ZEB1: variants seen among roughly 807,000 people sequenced by gnomAD.
ZEB1 encodes the protein zinc finger E-box binding homeobox 1.
In ZEB1, 21 loss-of-function variants were observed where a neutral mutation model predicts 84.9. The ratio of observed to expected loss-of-function variants is 0.25; its 90% CI spans 0.18 to 0.36. The LOEUF is 0.36. Among genes scored for constraint, ZEB1 ranks in the 10% least tolerant of loss-of-function variants. The pLI is 1.00. For synonymous variants in ZEB1, 420 were observed against 471.1 expected, an observed-to-expected ratio of 0.89 and a Z score of 1.41; for missense variants, 1,104 against 1,330.2, an observed-to-expected ratio of 0.83 and a Z score of 2.65.
chr10:31,348,997 A>G (rs1016525685), intron 1 of ZEB1, among the ~76,000 whole-genome samples: 1 of 152,176 alleles, frequency 6.6e-6, no homozygotes, highest in Non-Finnish European at 1.5e-5. Flanking sequence ...CTGTAGGCCT[A>G]TGATTTACCA....
intron 2 of ZEB1, among the ~76,000 whole-genome samples, chr10:31,491,731 C>G (rs1169693848): frequency 2.6e-5 from 4 of 151,860 alleles, no homozygotes; most frequent in Admixed American, 2.6e-4. Flanking sequence ...CAGACATAAA[C>G]AGTTTGTGGA....
intron 1 of ZEB1, among the ~76,000 whole-genome samples, chr10:31,394,760 C>A (rs139547565): frequency 2.3e-4 from 35 of 152,304 alleles, no homozygotes; most frequent in African/African-American, 8.4e-4. Flanking sequence ...TACAGATTTG[C>A]ATTTTTCTGA....
At chr10:31,378,342 C>T (rs1033571864) in intron 1 of ZEB1, among the ~76,000 whole-genome samples, 1 of 151,256 alleles carries the variant, frequency 6.6e-6, no homozygotes, top group East Asian at 1.9e-4. Flanking sequence ...AAGTTAGTTG[C>T]TGTGCTTATT....
intron 1 of ZEB1, among the ~76,000 whole-genome samples, chr10:31,354,680 T>C (rs949865560): frequency 2.0e-5 from 3 of 152,182 alleles, no homozygotes; most frequent in Non-Finnish European, 4.4e-5. Context: ...TTAAATAACT[T>C]CTCTTGAAAG....
intron 1 of ZEB1, among the ~76,000 whole-genome samples, chr10:31,354,277 C>T (rs1049678945): frequency 1.3e-5 from 2 of 152,044 alleles, no homozygotes; most frequent in African/African-American, 2.4e-5. Flanking sequence ...ATATAAAGCA[C>T]TTTTTTTGTA....
At chr10:31,428,834 T>TA (rs1250823468) in intron 1 of ZEB1, among the ~76,000 whole-genome samples, 1 of 152,048 alleles carries the variant, frequency 6.6e-6, no homozygotes, top group African/African-American at 2.4e-5. Context: ...TTTAAAATCT[T>TA]TGTTTGGTTT....
intron 1 of ZEB1, among the ~76,000 whole-genome samples, chr10:31,357,690 G>C (rs1399089210): frequency 6.6e-6 from 1 of 152,004 alleles, no homozygotes. Context: ...ATAGAACTTG[G>C]CAATTGTTAG....
At chr10:31,319,414 G>A (rs1038053400) in intron 1 of ZEB1, 122 bp downstream of exon 1, 14 of 986,826 alleles carry the variant, frequency 1.4e-5, no homozygotes, top group African/African-American at 1.6e-5. Flanking sequence ...GCAAAGTGGA[G>A]TGGGAAAGTA....
chr10:31,395,763 T>C (rs561873824), intron 1 of ZEB1, among the ~76,000 whole-genome samples: 1 of 152,334 alleles, frequency 6.6e-6, no homozygotes, highest in East Asian at 1.9e-4. Flanking sequence ...GGACTAGTTA[T>C]ACTTGTGGAA....
At chr10:31,498,378 T>A (rs1213200970) in intron 3 of ZEB1, among the ~76,000 whole-genome samples, 1 of 152,062 alleles carries the variant, frequency 6.6e-6, no homozygotes, top group African/African-American at 2.4e-5. Context: ...CTCTGTGATC[T>A]CAGAAGAGCT....
intron 1 of ZEB1, among the ~76,000 whole-genome samples, chr10:31,341,649 A>G (rs80153298): frequency 0.012 from 1,879 of 152,290 alleles, 30 homozygotes; most frequent in African/African-American, 0.042. Flanking sequence ...GATTGAAAGC[A>G]TAAGACCATC....
intron 1 of ZEB1, among the ~76,000 whole-genome samples, chr10:31,421,751 A>G (rs1197544501): frequency 6.6e-6 from 1 of 152,098 alleles, no homozygotes; most frequent in Non-Finnish European, 1.5e-5. Context: ...GTTTCTGTCA[A>G]TTAAAACTAC....
chr10:31,411,845 G>T (rs903376706), intron 1 of ZEB1, among the ~76,000 whole-genome samples: 1 of 152,000 alleles, frequency 6.6e-6, no homozygotes, highest in Non-Finnish European at 1.5e-5. Context: ...CATTTCATTT[G>T]AGAGTTACCT....
At chr10:31,342,455 T>G (rs1028966273) in intron 1 of ZEB1, among the ~76,000 whole-genome samples, 1 of 151,966 alleles carries the variant, frequency 6.6e-6, no homozygotes, top group African/African-American at 2.4e-5. Context: ...TGGTGGAGGT[T>G]ATGATTTTTT....
At chr10:31,499,682 T>C (rs1157964304) in intron 3 of ZEB1, among the ~76,000 whole-genome samples, 1 of 151,986 alleles carries the variant, frequency 6.6e-6, no homozygotes, top group Non-Finnish European at 1.5e-5. Flanking sequence ...GGAGAATCGC[T>C]TGGACCCAGG....
At chr10:31,333,824 T>C (rs926745465) in intron 1 of ZEB1, among the ~76,000 whole-genome samples, 2 of 152,016 alleles carry the variant, frequency 1.3e-5, no homozygotes. Flanking sequence ...AGCAATACCT[T>C]AAAAAGCATA....
At position 31,411,638 on chromosome 10, in the gene ZEB1, C is replaced by CAAA. The variant is rs11440732; in HGVS notation, c.59-49383_59-49381dup. 4.6e-3 allele frequency among the ~76,000 whole-genome samples: 451 copies of CAAA among 97,992 alleles called. 26 individuals are homozygous for CAAA. Among genetic ancestry groups the CAAA allele is most frequent in the African/African-American group, 0.017 (409 of 23,746 alleles). The allele number at this position is 97,992 out of a possible 152,430, so 64.3% of individuals were successfully genotyped here. A position where few individuals can be genotyped will look rare whatever the true frequency, so the allele number is the denominator to read the frequency against. ...TGGGCGACAGAGCGAGACTCCGTCT[C>CAAA]AAAAAAAAAAAAAAAAAAGCAGCAT... On this transcript the variant is annotated intron_variant, in intron 1 of 8. Coordinates refer to ENST00000424869, the MANE Select transcript of ZEB1 (RefSeq NM_001174096.2).
At chr10:31,498,191 A>G (rs973466511) in intron 3 of ZEB1, among the ~76,000 whole-genome samples, 2 of 152,026 alleles carry the variant, frequency 1.3e-5, no homozygotes, top group African/African-American at 4.8e-5. Flanking sequence ...CCTTTTCAAG[A>G]TGTGCATTTC....
At chr10:31,459,830 A>AGTGTGTGTGTGTGTGT (rs3086581) in intron 1 of ZEB1, among the ~76,000 whole-genome samples, 2 of 129,904 alleles carry the variant, frequency 1.5e-5, no homozygotes, top group South Asian at 2.8e-4. Flanking sequence ...TGTTCTCAGG[A>AGTGTGTGTGTGTGTGT]GTGTGTGTGT....
Sources: allele counts gnomAD v4.1 joint callset (sites outside exome capture counted in the v4.1 genomes callset), GRCh38; gene constraint gnomAD v4.1.1; transcripts MANE v1.5; gene names NCBI Gene and HGNC (gene_info 2026-07-23, HGNC 2026-07-21).